MOB1B: variants seen among roughly 807,000 people sequenced by gnomAD.
The protein encoded by MOB1B is MOB1 Mps One Binder homolog B.
Under a neutral mutation model 24.4 loss-of-function variants are expected in MOB1B, and 19 were observed. That is an observed-to-expected ratio of 0.78 (90% CI 0.54 to 1.14). The LOEUF is 1.14. Ranked by LOEUF, MOB1B falls within the 50% of genes most tolerant of loss-of-function variation. MOB1B has a pLI of 0.00. For missense variants in MOB1B, 243 were observed against 259.6 expected (o/e 0.94, Z 0.44); for synonymous variants, 76 against 82.1 (o/e 0.93, Z 0.40).
At chr4:70,967,903 A>G (rs566212367) in intron 2 of MOB1B, among the ~76,000 whole-genome samples, 43 of 152,100 alleles carry the variant, frequency 2.8e-4, no homozygotes, top group Non-Finnish European at 5.4e-4. Flanking sequence ...ATCATGGCTC[A>G]CTGCAGCTTT....
At chr4:70,931,133 G>A (rs1736876362) in intron 1 of MOB1B, among the ~76,000 whole-genome samples, 1 of 151,984 alleles carries the variant, frequency 6.6e-6, no homozygotes, top group African/African-American at 2.4e-5. Context: ...CCTGTGCTTG[G>A]GTACCATAAG....
In MOB1B at chr4:70,986,178, T is replaced by C. The variant is rs1739375257; in HGVS notation, c.*4121T>C. 6.6e-6 allele frequency: 1 copy of C among 152,190 alleles called. No homozygotes were observed. The highest frequency in any genetic ancestry group is 2.1e-4 in the South Asian group (1 of 4,830). The allele number at this position is 152,190 out of a possible 1,614,324, so 9.4% of individuals were successfully genotyped here. ...CTTCTCAATTTAATTTTAACTACTG[T>C]AGGATAGTATTGATTGAATGGATAC... On this transcript the variant is annotated 3_prime_UTR_variant, in exon 6 of 6. Coordinates refer to ENST00000309395, the MANE Select transcript of MOB1B (RefSeq NM_173468.4).
intron 1 of MOB1B, among the ~76,000 whole-genome samples, chr4:70,910,834 G>T (rs1335668361): frequency 6.6e-6 from 1 of 151,808 alleles, no homozygotes; most frequent in East Asian, 1.9e-4. Flanking sequence ...TGTCACCCAG[G>T]TTGGAGTGCA....
chr4:70,951,829 T>G (rs1422893029), intron 1 of MOB1B, among the ~76,000 whole-genome samples: 5 of 152,232 alleles, frequency 3.3e-5, no homozygotes. Flanking sequence ...ATCATGCCCC[T>G]GCATTCCTGC....
intron 1 of MOB1B, among the ~76,000 whole-genome samples, chr4:70,957,473 G>T (rs1578387356): frequency 2.0e-5 from 3 of 148,082 alleles, no homozygotes; most frequent in African/African-American, 7.5e-5. Context: ...TCATTCTGTT[G>T]CCCAGGCTGG....
At chr4:70,902,362 C>G (rs1871048), upstream of MOB1B, 681,308 of 700,374 alleles carry the variant, frequency 0.97, 331,956 homozygotes, top group Non-Finnish European at 0.99. Flanking sequence ...CGCCCCCTCC[C>G]CCTGCCATTG....
intron 1 of MOB1B, among the ~76,000 whole-genome samples, chr4:70,934,081 TTTTA>T (rs1578365139): frequency 6.6e-6 from 1 of 152,076 alleles, no homozygotes; most frequent in South Asian, 2.1e-4. Flanking sequence ...CTGCAACTTA[TTTTA>T]TTTATTTATT....
At chr4:70,918,062 C>A (rs937737122) in intron 1 of MOB1B, among the ~76,000 whole-genome samples, 2 of 152,088 alleles carry the variant, frequency 1.3e-5, no homozygotes, top group Admixed American at 1.3e-4. Context: ...ATACATTATC[C>A]ACAAAAATAT....
intron 1 of MOB1B, among the ~76,000 whole-genome samples, chr4:70,921,296 A>G (rs1736426419): frequency 6.6e-6 from 1 of 152,166 alleles, no homozygotes; most frequent in Non-Finnish European, 1.5e-5. Context: ...CTTTAGGCAC[A>G]TGACCAGTAA....
At chr4:70,907,543 G>A (rs115764555) in intron 1 of MOB1B, among the ~76,000 whole-genome samples, 378 of 152,246 alleles carry the variant, frequency 2.5e-3, no homozygotes, top group African/African-American at 8.7e-3. Context: ...TAAGAGACAG[G>A]GTCACCGAGG....
At chr4:70,906,726 C>T (rs530363474) in intron 1 of MOB1B, among the ~76,000 whole-genome samples, 72 of 152,212 alleles carry the variant, frequency 4.7e-4, no homozygotes, top group African/African-American at 1.4e-3. Context: ...TTGGTTGTGC[C>T]GCAGTTTGGC....
chr4:70,913,016 C>T (rs1472350420), intron 1 of MOB1B, among the ~76,000 whole-genome samples: 1 of 152,200 alleles, frequency 6.6e-6, no homozygotes, highest in East Asian at 1.9e-4. Context: ...CCTTGGCCTC[C>T]CAAAGTGCCG....
At chr4:70,949,173 G>A (rs556411679) in intron 1 of MOB1B, among the ~76,000 whole-genome samples, 2 of 152,060 alleles carry the variant, frequency 1.3e-5, no homozygotes, top group African/African-American at 2.4e-5. Context: ...AGAATTCCTC[G>A]ATTTCTGAAC....
chr4:70,954,056 A>AC lies in MOB1B; in HGVS notation c.15-4811dup, dbSNP rs995127762. ...GATGGCCTGAACCTTTCAGCGTAGCACCCCCCCAAAAAAAGAAACCCAGAA... is the reference window on the plus strand; with the variant it reads ...GATGGCCTGAACCTTTCAGCGTAGCACCCCCCCCAAAAAAAGAAACCCAGAA... On this transcript the variant is annotated intron_variant, in intron 1 of 5. Transcript: ENST00000309395. Among the ~76,000 whole-genome samples, 122 of 151,922 alleles carry AC rather than the reference A, an allele frequency of 8.0e-4. 1 individual carries two copies. The Middle Eastern group carries it at 0.01, about 13-fold the overall frequency.
At chr4:70,942,183 A>G (rs1737373833) in intron 1 of MOB1B, among the ~76,000 whole-genome samples, 1 of 152,150 alleles carries the variant, frequency 6.6e-6, no homozygotes, top group African/African-American at 2.4e-5. Context: ...CACTCAAATC[A>G]GCTGCATTTG....
chr4:70,911,545 A>C (rs1415727957), intron 1 of MOB1B, among the ~76,000 whole-genome samples: 1 of 152,048 alleles, frequency 6.6e-6, no homozygotes, highest in Non-Finnish European at 1.5e-5. Context: ...GACTGGCTTT[A>C]GTTTACTTTT....
chr4:70,946,710 A>G (rs1306039067), intron 1 of MOB1B, among the ~76,000 whole-genome samples: 1 of 152,182 alleles, frequency 6.6e-6, no homozygotes, highest in Non-Finnish European at 1.5e-5. Flanking sequence ...GGTTGAGGAT[A>G]TGCTTGGGAA....
At chr4:70,914,016 G>A (rs1409060597) in intron 1 of MOB1B, among the ~76,000 whole-genome samples, 1 of 151,996 alleles carries the variant, frequency 6.6e-6, no homozygotes, top group Non-Finnish European at 1.5e-5. Flanking sequence ...GGTATTAGAA[G>A]ATAGAGCCTT....
At chr4:70,968,456 C>G (rs1317622360) in intron 2 of MOB1B, among the ~76,000 whole-genome samples, 5 of 152,120 alleles carry the variant, frequency 3.3e-5, no homozygotes, top group Non-Finnish European at 7.4e-5. Flanking sequence ...GGATTACAGG[C>G]ATGCGCCACC....
Sources: gnomAD v4.1 joint callset for allele counts (sites outside exome capture counted in the v4.1 genomes callset) on GRCh38, gnomAD v4.1.1 for gene constraint, MANE v1.5 for transcripts, NCBI Gene and HGNC (gene_info 2026-07-23, HGNC 2026-07-21) for gene names.